Variants in SLC16A12 observed in about 807,000 individuals in gnomAD.
SLC16A12 encodes the protein monocarboxylate transporter 12.
In SLC16A12, 17 loss-of-function variants were observed where a neutral mutation model predicts 42.4. The observed-to-expected ratio is 0.40, with a 90% CI of 0.27 to 0.60. The LOEUF (loss-of-function observed/expected upper bound fraction) is 0.60. Among genes scored for constraint, SLC16A12 ranks in the 20% least tolerant of loss-of-function variants. The pLI is 0.42. For synonymous variants in SLC16A12, 224 were observed against 229.4 expected (o/e 0.98, Z 0.21); for missense variants, 544 against 623.0 (o/e 0.87, Z 1.35).
intron 2 of SLC16A12, among the ~76,000 whole-genome samples, chr10:89,499,284 G>T (rs1003575120): frequency 6.6e-6 from 1 of 152,212 alleles, no homozygotes; most frequent in African/African-American, 2.4e-5. Flanking sequence ...GCTGGGCACG[G>T]TGGCTCTTGC....
At chr10:89,513,598 G>A (rs1248041998) in intron 2 of SLC16A12, among the ~76,000 whole-genome samples, 1 of 152,102 alleles carries the variant, frequency 6.6e-6, no homozygotes, top group African/African-American at 2.4e-5. Context: ...TTTATAAAAT[G>A]TATACCTTGA....
intron 2 of SLC16A12, among the ~76,000 whole-genome samples, chr10:89,490,870 C>A (rs1000842377): frequency 9.2e-5 from 14 of 152,130 alleles, no homozygotes; most frequent in Non-Finnish European, 2.1e-4. Flanking sequence ...TCTTTAGGGC[C>A]TTTTCAAAAA....
Position 89,499,431 on chromosome 10 carries a change from G to A in SLC16A12, c.-47+35070C>T, listed in dbSNP as rs1238850281. 3.9e-5 allele frequency among the ~76,000 whole-genome samples: 6 copies of A among 152,108 alleles called. No individual in the cohort carries two copies. The East Asian group carries it at 7.7e-4, about 20-fold the overall frequency. On this transcript the variant is annotated intron_variant, in intron 2 of 7. Transcript: ENST00000371790. ...TAGCTGGGTGTGGTGGTGTGTGCCT[G>A]TAATCCCAGCTACTCGGGAGGCTGA...
In SLC16A12 at chr10:89,451,698, AT is replaced by A. The variant is rs1194578347; in HGVS notation, c.201-7840del. 1.1e-4 allele frequency among the ~76,000 whole-genome samples: 17 copies of A among 152,198 alleles called. No homozygotes were observed. In the South Asian group the frequency reaches 3.3e-3, roughly 30 times the overall value. On this transcript the variant is annotated intron_variant, in intron 3 of 7. Transcript: ENST00000371790. ...AAGTGCTGGGATTACAAGCTTAATA[AT>A]TTTATGTTTGAATTTCTGTTTCATA...
rs1002989398 is a variant in SLC16A12, at chr10:89,479,784, A to G, written c.-46-17160T>C. ...TATAGACTGCCTCCATGAGCCTTAC[A>G]TAAGGGATAAAAAACTTAAAATTTC... is the stretch of plus-strand genomic sequence containing the variant. On this transcript the variant is annotated intron_variant, in intron 2 of 7. Transcript: ENST00000371790. Among the ~76,000 whole-genome samples, 9 of 152,334 alleles carry G rather than the reference A, an allele frequency of 5.9e-5. No individual in the cohort carries two copies. In the East Asian group the frequency reaches 1.7e-3, roughly 29 times the overall value.
At chr10:89,504,140 A>C (rs1165682623) in intron 2 of SLC16A12, among the ~76,000 whole-genome samples, 1 of 152,208 alleles carries the variant, frequency 6.6e-6, no homozygotes, top group Non-Finnish European at 1.5e-5. Context: ...TCTACACAAA[A>C]TAGTTCAAGT....
intron 2 of SLC16A12, among the ~76,000 whole-genome samples, chr10:89,476,480 T>A (rs533846685): frequency 3.9e-4 from 59 of 152,192 alleles, no homozygotes; most frequent in African/African-American, 1.3e-3. Context: ...GAGTGTGAGA[T>A]CCCTAAGAGG....
chr10:89,524,229 C>T (rs1198611834), intron 2 of SLC16A12, among the ~76,000 whole-genome samples: 1 of 152,224 alleles, frequency 6.6e-6, no homozygotes, highest in Non-Finnish European at 1.5e-5. Context: ...GGCCTTTCTT[C>T]AAACCCCATT....
At chr10:89,459,863 C>A (rs147576036) in intron 3 of SLC16A12, among the ~76,000 whole-genome samples, 6,666 of 152,254 alleles carry the variant, frequency 0.044, 463 homozygotes, top group African/African-American at 0.15. Flanking sequence ...ATCACTTGAA[C>A]CCGGGAGGCG....
Position 89,534,915 on chromosome 10 carries a change from G to C in SLC16A12, c.-186-275C>G, listed in dbSNP as rs187386904. On this transcript the variant is annotated intron_variant, in intron 1 of 7. Transcript: ENST00000371790. Reference sequence around the variant, plus strand: ...AATAGCCCCAGGACTTACTGAAATTGTGCTTCAAAATTTTGTTACGAACGC... The same window carrying C: ...AATAGCCCCAGGACTTACTGAAATTCTGCTTCAAAATTTTGTTACGAACGC... Among the ~76,000 whole-genome samples, 418 of 152,144 alleles carry C rather than the reference G, an allele frequency of 2.7e-3. 2 individuals carry two copies. The highest frequency in any genetic ancestry group is 9.5e-3 in the South Asian group (46 of 4,818).
intron 2 of SLC16A12, among the ~76,000 whole-genome samples, chr10:89,479,466 G>T (rs1842631102): frequency 6.6e-6 from 1 of 152,216 alleles, no homozygotes; most frequent in Non-Finnish European, 1.5e-5. Context: ...CATGAGCAAA[G>T]TATTGCAACC....
At chr10:89,536,387 C>T (rs1843662615), upstream of SLC16A12, among the ~76,000 whole-genome samples, 1 of 152,052 alleles carries the variant, frequency 6.6e-6, no homozygotes, top group East Asian at 1.9e-4. Context: ...ATCTCATAAC[C>T]TTGGGCAATT....
intron 3 of SLC16A12, among the ~76,000 whole-genome samples, chr10:89,451,745 T>C (rs536198032): frequency 6.6e-6 from 1 of 152,326 alleles, no homozygotes; most frequent in Non-Finnish European, 1.5e-5. Context: ...AATGGAACAA[T>C]GGAGACTTCA....
intron 2 of SLC16A12, among the ~76,000 whole-genome samples, chr10:89,466,469 C>T (rs1050721162): frequency 2.0e-5 from 3 of 151,086 alleles, no homozygotes; most frequent in South Asian, 4.1e-4. Context: ...TTACCTTCTG[C>T]CTACTTCACA....
chr10:89,522,624 A>G (rs1443362714), intron 2 of SLC16A12, among the ~76,000 whole-genome samples: 1 of 152,198 alleles, frequency 6.6e-6, no homozygotes, highest in East Asian at 1.9e-4. Flanking sequence ...TTCCTTACAT[A>G]CACTGGTTAT....
At chr10:89,452,025 G>C (rs1032914969) in intron 3 of SLC16A12, among the ~76,000 whole-genome samples, 3 of 152,118 alleles carry the variant, frequency 2.0e-5, no homozygotes, top group Non-Finnish European at 4.4e-5. Flanking sequence ...AGAAGGCAGT[G>C]GTGTTATAAG....
At chr10:89,500,507 A>G (rs1035773125) in intron 2 of SLC16A12, among the ~76,000 whole-genome samples, 5 of 152,210 alleles carry the variant, frequency 3.3e-5, no homozygotes, top group African/African-American at 1.2e-4. Context: ...CAAGCCAATA[A>G]ATGTGATACA....
intron 2 of SLC16A12, among the ~76,000 whole-genome samples, chr10:89,517,856 C>G (rs7903979): frequency 0.71 from 108,094 of 152,068 alleles, 39,395 homozygotes; most frequent in East Asian, 0.88. Flanking sequence ...GAGTTATCCC[C>G]CTATTACAAC....
chr10:89,490,679 C>A (rs1311747340), intron 2 of SLC16A12, among the ~76,000 whole-genome samples: 1 of 152,154 alleles, frequency 6.6e-6, no homozygotes, highest in African/African-American at 2.4e-5. Context: ...GTTCACCAAC[C>A]CAAAAGCTCT....
Sources: gnomAD v4.1 joint callset for allele counts (sites outside exome capture counted in the v4.1 genomes callset) on GRCh38, gnomAD v4.1.1 for gene constraint, MANE v1.5 for transcripts, NCBI Gene and HGNC (gene_info 2026-07-23, HGNC 2026-07-21) for gene names.